Variants in UBE2E2 observed in about 807,000 individuals in gnomAD.
UBE2E2 encodes the protein ubiquitin conjugating enzyme E2 E2.
UBE2E2 carries 6 observed loss-of-function variants against 24.7 expected under a neutral mutation model. The observed-to-expected ratio is 0.24, with a 90% CI of 0.13 to 0.48. The LOEUF (loss-of-function observed/expected upper bound fraction) is 0.48, where lower values mean the gene tolerates loss of function less well. Among genes scored for constraint, UBE2E2 ranks in the 20% least tolerant of loss-of-function variants. UBE2E2 has a pLI of 0.99. For missense variants in UBE2E2, 169 were observed against 245.0 expected, an observed-to-expected ratio of 0.69 and a Z score of 2.07; for synonymous variants, 104 against 83.6, an observed-to-expected ratio of 1.24 and a Z score of -1.33.
intron 3 of UBE2E2, among the ~76,000 whole-genome samples, chr3:23,409,785 T>C (rs932728720): frequency 2.8e-4 from 43 of 151,764 alleles, no homozygotes; most frequent in African/African-American, 9.9e-4. Flanking sequence ...GAAAAATCCT[T>C]TCTTGCCTCT....
chr3:23,412,354 T>A (rs994911854), intron 3 of UBE2E2, among the ~76,000 whole-genome samples: 4 of 152,050 alleles, frequency 2.6e-5, no homozygotes, highest in African/African-American at 9.7e-5. Flanking sequence ...TTTGGAAAGG[T>A]AAAGTTAAAT....
intron 2 of UBE2E2, among the ~76,000 whole-genome samples, chr3:23,215,567 C>A (rs183122600): frequency 9.2e-5 from 14 of 152,130 alleles, no homozygotes; most frequent in Admixed American, 4.6e-4. Context: ...TGATTACTTC[C>A]CCCTATGCCC....
At chr3:23,291,347 C>T (rs1698760345) in intron 3 of UBE2E2, among the ~76,000 whole-genome samples, 1 of 152,120 alleles carries the variant, frequency 6.6e-6, no homozygotes, top group Non-Finnish European at 1.5e-5. Context: ...ACATTTAAAA[C>T]TATTGTAGTG....
At chr3:23,296,431 C>T (rs9811442) in intron 3 of UBE2E2, among the ~76,000 whole-genome samples, 6,350 of 152,030 alleles carry the variant, frequency 0.042, 460 homozygotes, top group African/African-American at 0.14. Flanking sequence ...CGTCATTTAC[C>T]ATTAGGTATA....
intron 3 of UBE2E2, among the ~76,000 whole-genome samples, chr3:23,324,315 C>T (rs1649175145): frequency 6.6e-6 from 1 of 152,034 alleles, no homozygotes; most frequent in Non-Finnish European, 1.5e-5. Flanking sequence ...TCATATTTGT[C>T]TAAATTTGTT....
At chr3:23,230,337 T>C (rs1043549796) in intron 3 of UBE2E2, among the ~76,000 whole-genome samples, 1 of 152,238 alleles carries the variant, frequency 6.6e-6, no homozygotes, top group African/African-American at 2.4e-5. Flanking sequence ...ATGTGGAGTT[T>C]AAAAGCAAAA....
chr3:23,462,845 A>G (rs568923577), intron 3 of UBE2E2, among the ~76,000 whole-genome samples: 21 of 152,122 alleles, frequency 1.4e-4, no homozygotes, highest in Non-Finnish European at 2.6e-4. Flanking sequence ...CCCACTTATC[A>G]GCATTGTGGC....
chr3:23,259,286 T>A (rs1697833066), intron 3 of UBE2E2, among the ~76,000 whole-genome samples: 1 of 152,202 alleles, frequency 6.6e-6, no homozygotes, highest in Non-Finnish European at 1.5e-5. Context: ...CTAGGAGTTA[T>A]CCCAAGTGTA....
At chr3:23,224,779 A>G (rs368270394) in intron 3 of UBE2E2, among the ~76,000 whole-genome samples, 1 of 151,940 alleles carries the variant, frequency 6.6e-6, no homozygotes, top group Non-Finnish European at 1.5e-5. Flanking sequence ...CTTTTTTGCT[A>G]CTATGAATAA....
intron 3 of UBE2E2, among the ~76,000 whole-genome samples, chr3:23,344,068 A>T (rs887623525): frequency 2.0e-5 from 3 of 152,184 alleles, no homozygotes; most frequent in Admixed American, 1.3e-4. Context: ...AAATTTGCAG[A>T]TGTACTGTGC....
chr3:23,279,326 T>A (rs945162719), intron 3 of UBE2E2, among the ~76,000 whole-genome samples: 12 of 152,082 alleles, frequency 7.9e-5, no homozygotes, highest in African/African-American at 1.7e-4. Context: ...AATCTGCAGT[T>A]TTGGGAAACC....
chr3:23,459,289 T>C (rs538238515), intron 3 of UBE2E2, among the ~76,000 whole-genome samples: 1 of 152,206 alleles, frequency 6.6e-6, no homozygotes, highest in African/African-American at 2.4e-5. Flanking sequence ...TTCAACAAAA[T>C]GAACTTTTTA....
Position 23,329,804 on chromosome 3 carries a change from C to A in UBE2E2, c.227+112492C>A, listed in dbSNP as rs954577165. Among the ~76,000 whole-genome samples the A allele has an allele frequency of 1.3e-5, 2 of 152,266 alleles. 1 individual carries two copies. Among genetic ancestry groups the A allele is most frequent in the South Asian group, 4.1e-4 (2 of 4,828 alleles). ...GAAACAAGGAATTTCCCAGGAAATC[C>A]CCACCATCTTTACTGTCTGTGATAT... On this transcript the variant is annotated intron_variant, in intron 3 of 5. Coordinates refer to ENST00000396703, the MANE Select transcript of UBE2E2 (RefSeq NM_152653.4).
chr3:23,548,189 C>T lies in UBE2E2; in HGVS notation c.508+15488C>T, dbSNP rs539146047. ...AGCAACTAAGAGAAAGAAAATGAAT[C>T]ACGTCAGAGGTTACAGAAATTATAA... is the stretch of plus-strand genomic sequence containing the variant. On this transcript the variant is annotated intron_variant, in intron 5 of 5. Coordinates refer to ENST00000396703, the MANE Select transcript of UBE2E2 (RefSeq NM_152653.4). 3.9e-5 allele frequency among the ~76,000 whole-genome samples: 6 copies of T among 152,264 alleles called. No homozygotes were observed. The East Asian group carries it at 7.7e-4, about 20-fold the overall frequency.
chr3:23,506,876 G>A (rs867986322), intron 4 of UBE2E2, among the ~76,000 whole-genome samples: 1 of 152,064 alleles, frequency 6.6e-6, no homozygotes, highest in Admixed American at 6.6e-5. Flanking sequence ...CAAGCAATCC[G>A]TCCGCCTCAG....
chr3:23,347,284 C>T (rs1695586315), intron 3 of UBE2E2, among the ~76,000 whole-genome samples: 1 of 152,146 alleles, frequency 6.6e-6, no homozygotes, highest in South Asian at 2.1e-4. Flanking sequence ...TTCGCAGTAG[C>T]AGAGACTTGG....
At chr3:23,291,566 T>A (rs1698765156) in intron 3 of UBE2E2, among the ~76,000 whole-genome samples, 1 of 152,132 alleles carries the variant, frequency 6.6e-6, no homozygotes, top group African/African-American at 2.4e-5. Context: ...AATAACCACC[T>A]TCACAGATTT....
intron 3 of UBE2E2, among the ~76,000 whole-genome samples, chr3:23,257,512 G>GGGCC (rs1697762836): frequency 3.2e-5 from 1 of 31,148 alleles, no homozygotes; most frequent in Non-Finnish European, 5.9e-5. Context: ...TGTTTCCCGT[G>GGGCC]CCCCCCCCCC....
intron 5 of UBE2E2, among the ~76,000 whole-genome samples, chr3:23,563,488 A>G (rs150837052): frequency 4.6e-5 from 7 of 152,296 alleles, no homozygotes; most frequent in African/African-American, 7.2e-5. Flanking sequence ...TTTTACTTCC[A>G]ACTATGTGGT....
Sources: gnomAD v4.1 joint callset for allele counts (sites outside exome capture counted in the v4.1 genomes callset) on GRCh38, gnomAD v4.1.1 for gene constraint, MANE v1.5 for transcripts, NCBI Gene and HGNC (gene_info 2026-07-23, HGNC 2026-07-21) for gene names.